ASB3: variants seen among roughly 807,000 people sequenced by gnomAD.
ASB3 encodes the protein ankyrin repeat and SOCS box protein 3.
A neutral mutation model predicts 54.5 loss-of-function variants in ASB3; 41 were observed. The ratio of observed to expected loss-of-function variants is 0.75; its 90% CI spans 0.59 to 0.98. The LOEUF is 0.98. ASB3 is among the 50% of genes least tolerant of loss of function. The probability of loss-of-function intolerance (pLI) is 0.00; values close to 1 mark genes in which losing one functional copy is unlikely to be tolerated. For missense variants in ASB3, 733 were observed against 620.0 expected (o/e 1.18, Z -1.94); for synonymous variants, 266 against 221.2 (o/e 1.20, Z -1.80).
At chr2:53,739,736 C>A (rs1285927244) in intron 3 of ASB3, among the ~76,000 whole-genome samples, 1 of 152,156 alleles carries the variant, frequency 6.6e-6, no homozygotes, top group Non-Finnish European at 1.5e-5. Context: ...AGGACAGTGG[C>A]ACATTCACGG....
intron 9 of ASB3, among the ~76,000 whole-genome samples, chr2:53,688,575 A>G (rs1356397417): frequency 6.6e-6 from 1 of 152,232 alleles, no homozygotes; most frequent in Non-Finnish European, 1.5e-5. Context: ...GATATGAGGT[A>G]GCTACTATTA....
At chr2:53,673,552 G>A (rs1490956947) in intron 9 of ASB3, among the ~76,000 whole-genome samples, 2 of 152,110 alleles carry the variant, frequency 1.3e-5, no homozygotes, top group Non-Finnish European at 2.9e-5. Flanking sequence ...AACCATTAGT[G>A]ATCAAGCCAC....
At chr2:53,745,078 T>C (rs771614224) in intron 3 of ASB3, among the ~76,000 whole-genome samples, 1 of 152,220 alleles carries the variant, frequency 6.6e-6, no homozygotes, top group Non-Finnish European at 1.5e-5. Flanking sequence ...TTTCTAAATA[T>C]AACAAAATAA....
At chr2:53,761,686 T>C (rs544598426) in intron 2 of ASB3, among the ~76,000 whole-genome samples, 1 of 152,338 alleles carries the variant, frequency 6.6e-6, no homozygotes, top group Admixed American at 6.5e-5. Context: ...GAGCATATGA[T>C]GGGACTTCTC....
At chr2:53,742,169 T>A (rs1394825977) in intron 3 of ASB3, among the ~76,000 whole-genome samples, 1 of 152,130 alleles carries the variant, frequency 6.6e-6, no homozygotes, top group Non-Finnish European at 1.5e-5. Context: ...GGAAACTGTA[T>A]TGCAAAAATC....
At chr2:53,715,776 G>A (rs1413637982) in intron 6 of ASB3, among the ~76,000 whole-genome samples, 2 of 152,080 alleles carry the variant, frequency 1.3e-5, no homozygotes, top group African/African-American at 2.4e-5. Flanking sequence ...GTGTCACCTA[G>A]TGGCATAATG....
chr2:53,762,354 T>TA (rs1673192085), intron 2 of ASB3, among the ~76,000 whole-genome samples: 1 of 152,152 alleles, frequency 6.6e-6, no homozygotes, highest in Non-Finnish European at 1.5e-5. Context: ...CTAAACCACT[T>TA]AGAGGTTAAA....
At chr2:53,739,657 T>G (rs1365472309) in intron 3 of ASB3, among the ~76,000 whole-genome samples, 2 of 152,164 alleles carry the variant, frequency 1.3e-5, no homozygotes, top group East Asian at 3.9e-4. Flanking sequence ...CTAGAAAATA[T>G]ACTGTTTCAT....
chr2:53,699,531 GA>G lies in ASB3; in HGVS notation c.1238+739del, dbSNP rs1669368414. ...TAGGGACAGACATCACACGGGGTAAGAATTGAAACACGAAAGTGAAGACTTC... is the reference window on the plus strand; with the variant it reads ...TAGGGACAGACATCACACGGGGTAAGATTGAAACACGAAAGTGAAGACTTC... On this transcript the variant is annotated intron_variant, in intron 8 of 9. Coordinates refer to ENST00000263634, the MANE Select transcript of ASB3 (RefSeq NM_016115.5). Among the ~76,000 whole-genome samples the G allele has an allele frequency of 1.3e-5, 2 of 152,192 alleles. 1 individual carries two copies. The highest frequency in any genetic ancestry group is 4.1e-4 in the South Asian group (2 of 4,820).
At chr2:53,689,161 G>A (rs1668780762) in intron 9 of ASB3, among the ~76,000 whole-genome samples, 1 of 151,520 alleles carries the variant, frequency 6.6e-6, no homozygotes, top group Non-Finnish European at 1.5e-5. Flanking sequence ...AATAAATTTG[G>A]GTAGTCAAAG....
chr2:53,767,984 GGCAGGGCAGCA>G, intron 1 of ASB3: 1 of 1,613,922 alleles, frequency 6.2e-7, no homozygotes, highest in Non-Finnish European at 8.5e-7. Flanking sequence ...AGGCGCTTCT[GGCAGGGCAGCA>G]CGGACCACCG....
intron 9 of ASB3, among the ~76,000 whole-genome samples, chr2:53,681,036 T>C (rs911007485): frequency 1.2e-4 from 18 of 152,220 alleles, no homozygotes; most frequent in Admixed American, 9.2e-4. Flanking sequence ...TCCAGTTCTA[T>C]CCATTTTGTT....
At chr2:53,773,807 G>A (rs1216476870) in intron 1 of ASB3, among the ~76,000 whole-genome samples, 10 of 151,990 alleles carry the variant, frequency 6.6e-5, no homozygotes. Context: ...GGCCGAGGCA[G>A]GTGGATCACT....
chr2:53,693,588 C>T (rs948404136), intron 9 of ASB3, among the ~76,000 whole-genome samples: 1 of 152,052 alleles, frequency 6.6e-6, no homozygotes, highest in African/African-American at 2.4e-5. Context: ...TTAGGACCTA[C>T]TTTTGTGTAT....
intron 7 of ASB3, among the ~76,000 whole-genome samples, chr2:53,706,239 C>T (rs1252165671): frequency 1.3e-5 from 2 of 152,126 alleles, no homozygotes; most frequent in Non-Finnish European, 2.9e-5. Flanking sequence ...CTTATCCCTC[C>T]ACAAGGCATT....
intron 6 of ASB3, among the ~76,000 whole-genome samples, chr2:53,714,922 T>C (rs1057129584): frequency 6.6e-6 from 1 of 152,122 alleles, no homozygotes; most frequent in African/African-American, 2.4e-5. Flanking sequence ...TATTTTAGGG[T>C]TTAATAAATT....
At chr2:53,731,660 T>C (rs764751539) in intron 3 of ASB3, among the ~76,000 whole-genome samples, 13 of 152,188 alleles carry the variant, frequency 8.5e-5, no homozygotes, top group Non-Finnish European at 1.8e-4. Flanking sequence ...CAGTTTCTTT[T>C]TTCCTTTTTT....
At chr2:53,754,044 C>G (rs1672679075) in intron 2 of ASB3, among the ~76,000 whole-genome samples, 1 of 152,066 alleles carries the variant, frequency 6.6e-6, no homozygotes, top group Non-Finnish European at 1.5e-5. Context: ...AGAGTCGGAG[C>G]ACACTGTAGG....
At chr2:53,765,611 A>C in intron 1 of ASB3, 26 bp from the exon 2 acceptor site, 1 of 1,613,240 alleles carries the variant, frequency 6.2e-7, no homozygotes, top group Non-Finnish European at 8.5e-7. Context: ...GAAGGATAAT[A>C]CTATAGTCAA....
Sources: gnomAD v4.1 joint callset for allele counts (sites outside exome capture counted in the v4.1 genomes callset) on GRCh38, gnomAD v4.1.1 for gene constraint, MANE v1.5 for transcripts, NCBI Gene and HGNC (gene_info 2026-07-23, HGNC 2026-07-21) for gene names.